The following VRK1 variants were observed in gnomAD, a reference collection of about 807,000 sequenced individuals.
The protein encoded by VRK1 is VRK serine/threonine kinase 1, also known as serine/threonine-protein kinase VRK1.
In VRK1, 33 loss-of-function variants were observed where a neutral mutation model predicts 57.1. The ratio of observed to expected loss-of-function variants is 0.58; its 90% CI spans 0.44 to 0.77. VRK1 has a LOEUF of 0.77. Among genes scored for constraint, VRK1 ranks in the 30% least tolerant of loss-of-function variants. The pLI, the probability that VRK1 is intolerant of heterozygous loss-of-function variation, is 0.00. For missense variants in VRK1, 413 were observed against 477.3 expected (o/e 0.87, Z 1.25); for synonymous variants, 137 against 147.8 (o/e 0.93, Z 0.53).
chr14:96,846,159 A>C lies in VRK1; in HGVS notation c.281A>C (p.Glu94Ala). The C allele has an allele frequency of 6.2e-7, 1 of 1,613,356 alleles. No individual in the cohort carries two copies. Among genetic ancestry groups the C allele is most frequent in the Non-Finnish European group, 8.5e-7 (1 of 1,179,482 alleles). Reference sequence around the variant, plus strand: ...TTCTACCAACGAGCTGCAAAACCAGAGCAAAGTAAGAAATACAGTACACAT... The same window carrying C: ...TTCTACCAACGAGCTGCAAAACCAGCGCAAAGTAAGAAATACAGTACACAT... ...LKFYQRAAKP[E>A]QIQKWIRTRK... Residue 94 changes from glutamate to alanine, a missense_variant, in exon 4 of 13, where the codon GAG (glutamate) becomes GCG (alanine). Glu to Ala is a moderately radical substitution (Grantham distance 107). Around this residue, in one of 3 missense-constraint regions of VRK1, gnomAD observed 116 missense variants for 113.6 expected, o/e 1.02. Coordinates refer to ENST00000216639, the MANE Select transcript of VRK1 (RefSeq NM_003384.3).
intron 12 of VRK1, 117 bp downstream of exon 12, chr14:96,876,237 C>A: frequency 1.1e-6 from 1 of 896,176 alleles, no homozygotes; most frequent in Non-Finnish European, 1.9e-6. Context: ...AATAAAATAC[C>A]ACAAGATTTT....
At chr14:96,838,731 G>T (rs887057630) in intron 3 of VRK1, among the ~76,000 whole-genome samples, 8 of 152,046 alleles carry the variant, frequency 5.3e-5, no homozygotes, top group Non-Finnish European at 1.5e-5. Flanking sequence ...ATTTGGGTGG[G>T]GACACAGCCA....
Position 96,809,950 on chromosome 14 carries a change from A to C in VRK1, c.-6+12503A>C, listed in dbSNP as rs76863466. Among the ~76,000 whole-genome samples the C allele has an allele frequency of 6.1e-3, 925 of 152,302 alleles. 11 individuals are homozygous for C. Among genetic ancestry groups the C allele is most frequent in the South Asian group, 0.055 (264 of 4,828 alleles). On this transcript the variant is annotated intron_variant, in intron 1 of 12. Transcript: ENST00000216639. ...CTATTTATACTTTTACCAACATATGAAAGTTCCGGTTACTCTGCAGCTTTG... is the reference window on the plus strand; with the variant it reads ...CTATTTATACTTTTACCAACATATGCAAGTTCCGGTTACTCTGCAGCTTTG...
chr14:96,873,626 A>G (rs1447515730), intron 11 of VRK1, among the ~76,000 whole-genome samples: 1 of 152,206 alleles, frequency 6.6e-6, no homozygotes, highest in Non-Finnish European at 1.5e-5. Flanking sequence ...TTTCTGTTCA[A>G]AAGGAACCAA....
intron 3 of VRK1, among the ~76,000 whole-genome samples, chr14:96,840,087 T>A (rs971600046): frequency 1.3e-5 from 2 of 152,168 alleles, no homozygotes; most frequent in Admixed American, 1.3e-4. Context: ...AATTTAAAAT[T>A]TCCAATCTCA....
chr14:96,876,677 T>G (rs1889043703), intron 12 of VRK1, among the ~76,000 whole-genome samples: 1 of 152,018 alleles, frequency 6.6e-6, no homozygotes, highest in Admixed American at 6.6e-5. Flanking sequence ...GCTGCCTGAT[T>G]GTTCCTTATA....
At chr14:96,820,087 T>TTTG (rs1886541022) in intron 1 of VRK1, among the ~76,000 whole-genome samples, 3 of 152,188 alleles carry the variant, frequency 2.0e-5, no homozygotes, top group African/African-American at 7.2e-5. Flanking sequence ...CTTTGGAAAG[T>TTTG]GCTTTGGAGC....
At chr14:96,877,707 T>G (rs1180852519) in intron 12 of VRK1, 2 of 1,235,064 alleles carry the variant, frequency 1.6e-6, no homozygotes, top group Non-Finnish European at 2.1e-6. Context: ...TGACACTCAT[T>G]AAGTCTAAGG....
intron 1 of VRK1, among the ~76,000 whole-genome samples, chr14:96,820,151 A>C (rs983268537): frequency 7.7e-5 from 7 of 90,582 alleles, no homozygotes; most frequent in Non-Finnish European, 1.5e-4. Context: ...TATAAAATTC[A>C]CTTTCATCAC....
chr14:96,839,158 A>G (rs1183438835), intron 3 of VRK1, among the ~76,000 whole-genome samples: 1 of 148,190 alleles, frequency 6.7e-6, no homozygotes, highest in East Asian at 2.0e-4. Context: ...ATTAAACAGT[A>G]TATATTGTTT....
At chr14:96,849,194 A>G (rs1047219304) in intron 5 of VRK1, among the ~76,000 whole-genome samples, 2 of 152,148 alleles carry the variant, frequency 1.3e-5, no homozygotes, top group South Asian at 2.1e-4. Flanking sequence ...GCATTTGGGA[A>G]ATGGCTTACA....
intron 1 of VRK1, among the ~76,000 whole-genome samples, chr14:96,823,241 G>A (rs948308281): frequency 5.3e-5 from 8 of 152,150 alleles, no homozygotes; most frequent in African/African-American, 1.9e-4. Flanking sequence ...GTCTCTTCCT[G>A]CCAGAATGTG....
chr14:96,835,457 C>G (rs182154986), intron 2 of VRK1, among the ~76,000 whole-genome samples: 1 of 152,170 alleles, frequency 6.6e-6, no homozygotes, highest in African/African-American at 2.4e-5. Context: ...TCTATATATT[C>G]TTTCTGAGTG....
intron 11 of VRK1, 138 bp from the exon 12 acceptor site, chr14:96,875,892 T>G: frequency 2.2e-6 from 2 of 896,090 alleles, no homozygotes; most frequent in Non-Finnish European, 3.5e-6. Flanking sequence ...ATCCTGAAGT[T>G]GAGAATATTC....
chr14:96,801,283 T>C (rs1885652816), intron 1 of VRK1, among the ~76,000 whole-genome samples: 1 of 152,182 alleles, frequency 6.6e-6, no homozygotes, highest in Non-Finnish European at 1.5e-5. Context: ...GTTAATTGCT[T>C]TTCTTAGATT....
intron 12 of VRK1, among the ~76,000 whole-genome samples, chr14:96,879,432 C>T (rs1207365350): frequency 6.6e-6 from 1 of 151,904 alleles, no homozygotes; most frequent in Admixed American, 6.6e-5. Flanking sequence ...AGTAAAATGG[C>T]AAATTAAGAC....
At chr14:96,811,139 C>G (rs1886184160) in intron 1 of VRK1, among the ~76,000 whole-genome samples, 1 of 152,030 alleles carries the variant, frequency 6.6e-6, no homozygotes, top group South Asian at 2.1e-4. Context: ...CCATGTTGGC[C>G]AGGCTGGTCT....
intron 11 of VRK1, among the ~76,000 whole-genome samples, chr14:96,873,200 C>G (rs748923747): frequency 2.0e-5 from 3 of 152,182 alleles, no homozygotes; most frequent in Non-Finnish European, 2.9e-5. Context: ...AAGAATTGGT[C>G]TTTGGTTTTT....
chr14:96,838,822 A>C (rs966955284), intron 3 of VRK1, among the ~76,000 whole-genome samples: 2 of 152,170 alleles, frequency 1.3e-5, no homozygotes, highest in African/African-American at 4.8e-5. Flanking sequence ...TTTATATTTT[A>C]TCTCTTAGGA....
Sources: gnomAD v4.1 joint callset for allele counts (sites outside exome capture counted in the v4.1 genomes callset) on GRCh38, gnomAD v4.1.1 for gene constraint, gnomAD v4.1.1 regional missense constraint, MANE v1.5 for transcripts, NCBI Gene and HGNC (gene_info 2026-07-23, HGNC 2026-07-21) for gene names.